The following EPM2A variants were observed in gnomAD, a reference collection of about 807,000 sequenced individuals.
The protein encoded by EPM2A is EPM2A glucan phosphatase, laforin, also known as laforin.
In EPM2A, 21 loss-of-function variants were observed where a neutral mutation model predicts 26.5. The ratio of observed to expected loss-of-function variants is 0.79; its 90% CI spans 0.56 to 1.14. The LOEUF (loss-of-function observed/expected upper bound fraction) is 1.14, where lower values mean the gene tolerates loss of function less well. Among genes scored for constraint, EPM2A ranks in the 50% most tolerant of loss-of-function variants. EPM2A has a pLI of 0.00. For missense variants in EPM2A, 458 were observed against 440.8 expected, an observed-to-expected ratio of 1.04 and a Z score of -0.35; for synonymous variants, 217 against 177.6, an observed-to-expected ratio of 1.22 and a Z score of -1.76.
chr6:145,735,486 A>G lies in EPM2A; in HGVS notation c.13T>C (p.Phe5Leu). The part of the protein sequence containing the change: MRFR[F>L]GVVVPPAVAG... ...ACGGCGGGTGGCACCACCACCCCAA[A>G]GCGGAAGCGCATGGCGGGCGGCGGC... Residue 5 changes from phenylalanine (F) to leucine (L), a missense_variant, in exon 1 of 4, where the codon TTT becomes CTT. Transcript: ENST00000367519. 8.4e-7 allele frequency: 1 copy of G among 1,193,662 alleles called. No homozygotes were observed. The highest frequency in any genetic ancestry group is 1.0e-6 in the Non-Finnish European group (1 of 964,226). 73.9% of individuals were successfully genotyped at this position (1,193,662 alleles called of 1,614,324 possible). A position where few individuals can be genotyped will look rare whatever the true frequency, so the allele number is the denominator to read the frequency against.
rs545879571 is a variant in EPM2A, at chr6:145,645,890, C to T, written c.477-10404G>A. Among the ~76,000 whole-genome samples, 61 of 152,260 alleles carry T rather than the reference C, an allele frequency of 4.0e-4. 1 individual carries two copies. The highest frequency in any genetic ancestry group is 1.2e-3 in the Admixed American group (18 of 15,298). On this transcript the variant is annotated intron_variant, in intron 2 of 3. Coordinates refer to ENST00000367519, the MANE Select transcript of EPM2A (RefSeq NM_005670.4). ...ATTATAATAGGCGTGAGCCACTGTG[C>T]CCGGCCCTGGCAAAACTTTTAAGGA... is the stretch of plus-strand genomic sequence containing the variant.
intron 4 of EPM2A, among the ~76,000 whole-genome samples, chr6:145,407,351 C>T (rs1778582749): frequency 6.6e-6 from 1 of 152,090 alleles, no homozygotes; most frequent in Non-Finnish European, 1.5e-5. Context: ...GAGCTCTGGA[C>T]CTACAACTAA....
At chr6:145,502,666 C>A in intron 2 of EPM2A, 1 of 450,024 alleles carries the variant, frequency 2.2e-6, no homozygotes, top group South Asian at 1.6e-5. Context: ...TTAGGAAACA[C>A]CTTGAAAATA....
At chr6:145,676,011 A>C (rs1024014548) in intron 2 of EPM2A, among the ~76,000 whole-genome samples, 1 of 152,202 alleles carries the variant, frequency 6.6e-6, no homozygotes. Context: ...ACTTAAATTG[A>C]CCACATAATT....
chr6:145,685,195 A>G (rs940622947), intron 2 of EPM2A, among the ~76,000 whole-genome samples: 1 of 152,240 alleles, frequency 6.6e-6, no homozygotes, highest in African/African-American at 2.4e-5. Context: ...TGTAAATTCT[A>G]TAAGCCTTGA....
At chr6:145,440,792 C>T (rs888615877) in intron 4 of EPM2A, among the ~76,000 whole-genome samples, 2 of 152,226 alleles carry the variant, frequency 1.3e-5, no homozygotes, top group African/African-American at 4.8e-5. Context: ...TTTGATGTAA[C>T]AGGTGGGCTC....
chr6:145,432,555 C>A (rs77368141), intron 4 of EPM2A, among the ~76,000 whole-genome samples: 1 of 148,662 alleles, frequency 6.7e-6, no homozygotes, highest in South Asian at 2.2e-4. Flanking sequence ...ATTAAATAAA[C>A]CATGCTGTAA....
Position 145,625,994 on chromosome 6 carries a change from T to A in EPM2A, c.*1422A>T. ...TTATTCATCATGTGACAATAGACAGTTGAGTTAACCCTTCTGACCTTAGTT... is the reference window on the plus strand; with the variant it reads ...TTATTCATCATGTGACAATAGACAGATGAGTTAACCCTTCTGACCTTAGTT... On this transcript the variant is annotated 3_prime_UTR_variant, in exon 4 of 4. Coordinates refer to ENST00000367519, the MANE Select transcript of EPM2A (RefSeq NM_005670.4). 1 of 1,154,992 alleles carries A rather than the reference T, an allele frequency of 8.7e-7. No individual in the cohort carries two copies. The highest frequency in any genetic ancestry group is 1.1e-6 in the Non-Finnish European group (1 of 873,482). 71.5% of individuals were successfully genotyped at this position (1,154,992 alleles called of 1,614,324 possible).
At chr6:145,509,956 C>A (rs970863463) in intron 2 of EPM2A, among the ~76,000 whole-genome samples, 1 of 151,986 alleles carries the variant, frequency 6.6e-6, no homozygotes, top group Admixed American at 6.6e-5. Context: ...ATAAAATATA[C>A]TTTAAACCAA....
chr6:145,576,895 G>T (rs1781039563), intron 2 of EPM2A, among the ~76,000 whole-genome samples: 1 of 151,886 alleles, frequency 6.6e-6, no homozygotes, highest in Non-Finnish European at 1.5e-5. Context: ...TTAAAGTGTA[G>T]AGTTTTTTTA....
At chr6:145,580,234 G>A (rs947611235) in intron 2 of EPM2A, among the ~76,000 whole-genome samples, 2 of 152,080 alleles carry the variant, frequency 1.3e-5, no homozygotes, top group African/African-American at 4.8e-5. Context: ...GGCTGCCAGA[G>A]ATGAATTCTT....
intron 2 of EPM2A, chr6:145,671,002 A>G (rs2128599035): frequency 1.0e-6 from 1 of 984,892 alleles, no homozygotes; most frequent in East Asian, 1.1e-4. Context: ...ATTTAAAAGA[A>G]TCTCAAATCA....
intron 2 of EPM2A, among the ~76,000 whole-genome samples, chr6:145,681,449 A>G (rs573558954): frequency 5.5e-4 from 82 of 149,792 alleles, no homozygotes; most frequent in African/African-American, 1.9e-3. Flanking sequence ...TTGGTGTTTT[A>G]GACATGAAGT....
chr6:145,681,983 C>T (rs929989065), intron 2 of EPM2A, among the ~76,000 whole-genome samples: 3 of 152,018 alleles, frequency 2.0e-5, no homozygotes, highest in African/African-American at 7.3e-5. Context: ...AGGTGGCTAC[C>T]CTAATATTGC....
chr6:145,529,067 C>T (rs757119530), intron 2 of EPM2A, among the ~76,000 whole-genome samples: 13 of 152,126 alleles, frequency 8.5e-5, no homozygotes, highest in Non-Finnish European at 1.3e-4. Context: ...GACTGAATTG[C>T]TGCAATCTCA....
chr6:145,389,874 T>G (rs1778314614), intron 4 of EPM2A, among the ~76,000 whole-genome samples: 2 of 152,216 alleles, frequency 1.3e-5, no homozygotes, highest in Non-Finnish European at 1.5e-5. Flanking sequence ...AACTGGGCAC[T>G]GAAAGAACTT....
intron 4 of EPM2A, among the ~76,000 whole-genome samples, chr6:145,417,379 A>G (rs964112911): frequency 5.3e-5 from 8 of 152,188 alleles, no homozygotes; most frequent in Non-Finnish European, 8.8e-5. Flanking sequence ...TTGACCCATT[A>G]GCATCTCAGG....
Position 145,563,326 on chromosome 6 carries a change from C to T in EPM2A, c.341-60751G>A, listed in dbSNP as rs941691555. Among the ~76,000 whole-genome samples the T allele has an allele frequency of 2.1e-4, 32 of 151,754 alleles. No individual in the cohort carries two copies. In the East Asian group the frequency reaches 3.7e-3, roughly 18 times the overall value. ...TCCAATGAGGCATGTTAGTTGAGAC[C>T]GAAGGATGAAAGAACTAGAGGAAGA... On this transcript the variant is annotated intron_variant, in intron 2 of 3. Transcript: ENST00000450221.
chr6:145,485,796 G>C (rs1386219523), intron 4 of EPM2A, among the ~76,000 whole-genome samples: 1 of 152,202 alleles, frequency 6.6e-6, no homozygotes, highest in Non-Finnish European at 1.5e-5. Context: ...TGTGGCTGGG[G>C]AAGCCTCGCA....
Sources: gnomAD v4.1 joint callset for allele counts (sites outside exome capture counted in the v4.1 genomes callset) on GRCh38, gnomAD v4.1.1 for gene constraint, MANE v1.5 for transcripts, NCBI Gene and HGNC (gene_info 2026-07-23, HGNC 2026-07-21) for gene names.